Variants in LRP1B observed in about 807,000 individuals in gnomAD.
LRP1B encodes low-density lipoprotein receptor-related protein 1B.
LRP1B carries 217 observed loss-of-function variants against 556.6 expected under a neutral mutation model. The ratio of observed to expected loss-of-function variants is 0.39; its 90% CI spans 0.35 to 0.44. LRP1B has a LOEUF of 0.44. Among genes scored for constraint, LRP1B ranks in the 20% least tolerant of loss-of-function variants. The pLI is 1.00. For synonymous variants in LRP1B, 2,047 were observed against 1,865.8 expected, an observed-to-expected ratio of 1.10 and a Z score of -2.50; for missense variants, 5,053 against 5,620.8, an observed-to-expected ratio of 0.90 and a Z score of 3.23.
chr2:141,379,807 T>A (rs904073184), intron 3 of LRP1B, among the ~76,000 whole-genome samples: 2 of 152,082 alleles, frequency 1.3e-5, no homozygotes, highest in African/African-American at 4.8e-5. Context: ...TGCCACAGCT[T>A]TTCCCCCTAG....
Position 141,794,261 on chromosome 2 carries a change from CAGTA to C in LRP1B, c.205+16014_205+16017del, listed in dbSNP as rs532443754. Reference sequence around the variant, plus strand: ...TCCCCTTTGCATCTTCACATTTTTGCAGTAAGTAAACAGGAAATTATTGATTATT... The same window carrying C: ...TCCCCTTTGCATCTTCACATTTTTGCAGTAAACAGGAAATTATTGATTATT... On this transcript the variant is annotated intron_variant, in intron 2 of 90. Coordinates refer to ENST00000389484, the MANE Select transcript of LRP1B (RefSeq NM_018557.3). 9.5e-4 allele frequency among the ~76,000 whole-genome samples: 145 copies of C among 151,962 alleles called. 1 individual carries two copies. The highest frequency in any genetic ancestry group is 3.4e-3 in the African/African-American group (142 of 41,492).
At chr2:142,084,811 C>A (rs1705850611) in intron 1 of LRP1B, among the ~76,000 whole-genome samples, 1 of 152,118 alleles carries the variant, frequency 6.6e-6, no homozygotes, top group Non-Finnish European at 1.5e-5. Context: ...ACTATCTCTT[C>A]CTGCTTAAGA....
intron 60 of LRP1B, among the ~76,000 whole-genome samples, chr2:140,474,756 A>G (rs1195028099): frequency 6.6e-6 from 1 of 151,924 alleles, no homozygotes; most frequent in East Asian, 1.9e-4. Context: ...ATAAAACTAT[A>G]CTTTTACTCA....
At chr2:141,445,790 T>C (rs2105012626) in intron 3 of LRP1B, among the ~76,000 whole-genome samples, 1 of 152,348 alleles carries the variant, frequency 6.6e-6, no homozygotes, top group African/African-American at 2.4e-5. Context: ...TGAGAGACTG[T>C]TATAATTTCT....
intron 84 of LRP1B, among the ~76,000 whole-genome samples, chr2:140,277,208 A>G (rs748881933): frequency 2.0e-5 from 3 of 151,954 alleles, no homozygotes; most frequent in Non-Finnish European, 2.9e-5. Flanking sequence ...ATTTAACTTA[A>G]AGTACTAAAG....
Position 141,503,178 on chromosome 2 carries a change from TAATAA to T in LRP1B, c.206-22650_206-22646del, listed in dbSNP as rs1206152335. ...ATATATGAGTAATACATGAATAATA[TAATAA>T]AGTAAACATGAATTTACTTTATTAT... On this transcript the variant is annotated intron_variant, in intron 2 of 90. Coordinates refer to ENST00000389484, the MANE Select transcript of LRP1B (RefSeq NM_018557.3). Among the ~76,000 whole-genome samples, 10 of 148,096 alleles carry T rather than the reference TAATAA, an allele frequency of 6.8e-5. No individual in the cohort carries two copies. In the South Asian group the frequency reaches 2.1e-3, roughly 31 times the overall value.
At chr2:140,575,752 C>T (rs1681496374) in intron 43 of LRP1B, among the ~76,000 whole-genome samples, 1 of 151,744 alleles carries the variant, frequency 6.6e-6, no homozygotes, top group Non-Finnish European at 1.5e-5. Context: ...TAGTGAAACC[C>T]CATCTCTACC....
intron 32 of LRP1B, among the ~76,000 whole-genome samples, chr2:140,803,030 C>T (rs1444072908): frequency 6.6e-6 from 1 of 152,108 alleles, no homozygotes; most frequent in Non-Finnish European, 1.5e-5. Flanking sequence ...CATCCAGGGC[C>T]AATTTCAATC....
intron 3 of LRP1B, among the ~76,000 whole-genome samples, chr2:141,462,762 C>A (rs114929842): frequency 6.6e-6 from 1 of 152,058 alleles, no homozygotes; most frequent in Non-Finnish European, 1.5e-5. Context: ...AGTTTCTATA[C>A]GCTGTCTTAT....
At chr2:141,909,120 A>G (rs563287103) in intron 1 of LRP1B, among the ~76,000 whole-genome samples, 111 of 152,182 alleles carry the variant, frequency 7.3e-4, no homozygotes, top group African/African-American at 2.6e-3. Flanking sequence ...GCAGAGACCA[A>G]TTTCCAAAAA....
rs899378090 is a variant in LRP1B, at chr2:141,088,471, G to C, written c.1014-26198C>G. Among the ~76,000 whole-genome samples the C allele has an allele frequency of 4.1e-4, 62 of 152,142 alleles. 1 individual carries two copies. Among genetic ancestry groups the C allele is most frequent in the African/African-American group, 1.2e-3 (50 of 41,524 alleles). ...AAGTCCTGCTTGAAAATGACGGCTT[G>C]AGACCAGGAGATTTACCAGAGAAAC... On this transcript the variant is annotated intron_variant, in intron 7 of 90. Coordinates refer to ENST00000389484, the MANE Select transcript of LRP1B (RefSeq NM_018557.3).
At chr2:141,017,554 C>G (rs1031194888) in intron 12 of LRP1B, among the ~76,000 whole-genome samples, 1 of 151,416 alleles carries the variant, frequency 6.6e-6, no homozygotes, top group Non-Finnish European at 1.5e-5. Context: ...AGGAATTGTT[C>G]GCCAACTGAT....
In LRP1B at chr2:142,115,830, C is replaced by CATATATATGTAATATATATATATACAT. The variant is rs1707245428; in HGVS notation, c.82+14791_82+14817dup. Among the ~76,000 whole-genome samples, 2 of 5,122 alleles carry CATATATATGTAATATATATATATACAT rather than the reference C, an allele frequency of 3.9e-4. 1 individual carries two copies. Among genetic ancestry groups the CATATATATGTAATATATATATATACAT allele is most frequent in the African/African-American group, 9.5e-4 (2 of 2,108 alleles). The allele number at this position is 5,122 out of a possible 152,430, so 3.4% of individuals were successfully genotyped here. On this transcript the variant is annotated intron_variant, in intron 1 of 90. Coordinates refer to ENST00000389484, the MANE Select transcript of LRP1B (RefSeq NM_018557.3). ...TATATCATATATATGTAATATATAT[C>CATATATATGTAATATATATATATACAT]ATATATATGTAATATATATATATAC...
At chr2:141,832,219 A>G (rs1279197065) in intron 1 of LRP1B, among the ~76,000 whole-genome samples, 1 of 151,316 alleles carries the variant, frequency 6.6e-6, no homozygotes, top group Non-Finnish European at 1.5e-5. Flanking sequence ...TTTCTTAAGA[A>G]CTGATCCATT....
chr2:141,939,146 CA>C (rs150824888), intron 1 of LRP1B, among the ~76,000 whole-genome samples: 8,871 of 149,032 alleles, frequency 0.06, 850 homozygotes, highest in African/African-American at 0.21. Flanking sequence ...GCTTATACTA[CA>C]AAAAAAAACT....
intron 2 of LRP1B, among the ~76,000 whole-genome samples, chr2:141,724,053 G>T (rs898717037): frequency 6.6e-6 from 1 of 151,832 alleles, no homozygotes; most frequent in Non-Finnish European, 1.5e-5. Flanking sequence ...GATAAGACCT[G>T]TACCAGATAA....
chr2:140,614,742 A>G (rs1683199025), intron 41 of LRP1B, among the ~76,000 whole-genome samples: 1 of 152,162 alleles, frequency 6.6e-6, no homozygotes, highest in Admixed American at 6.6e-5. Context: ...CTCTCAATAG[A>G]ATCTCCCATA....
intron 32 of LRP1B, among the ~76,000 whole-genome samples, chr2:140,804,941 C>T (rs1330456172): frequency 2.6e-5 from 4 of 151,954 alleles, no homozygotes; most frequent in Admixed American, 1.3e-4. Flanking sequence ...GTGATAACTT[C>T]AAGTTTGTGA....
chr2:141,722,418 C>T (rs1692855799), intron 2 of LRP1B, among the ~76,000 whole-genome samples: 1 of 151,996 alleles, frequency 6.6e-6, no homozygotes, highest in Admixed American at 6.6e-5. Flanking sequence ...TCCCTTCATG[C>T]AGAAGGGCCC....
Sources: gnomAD v4.1 joint callset for allele counts (sites outside exome capture counted in the v4.1 genomes callset) on GRCh38, gnomAD v4.1.1 for gene constraint, MANE v1.5 for transcripts, NCBI Gene and HGNC (gene_info 2026-07-23, HGNC 2026-07-21) for gene names.